Variants in MSRA observed in about 807,000 individuals in gnomAD.
MSRA encodes the protein methionine sulfoxide reductase A, also known as mitochondrial peptide methionine sulfoxide reductase.
Under a neutral mutation model 31.3 loss-of-function variants are expected in MSRA, and 54 were observed. The observed-to-expected ratio is 1.73, with a 90% CI of 1.39 to 2.17. The LOEUF is 2.17. Among genes scored for constraint, MSRA ranks in the 30% most tolerant of loss-of-function variants. The pLI is 0.00. For missense variants in MSRA, 507 were observed against 300.9 expected (o/e 1.69, Z -5.07); for synonymous variants, 169 against 116.5 (o/e 1.45, Z -2.90).
intron 2 of MSRA, among the ~76,000 whole-genome samples, chr8:10,235,746 A>C (rs1811881762): frequency 6.6e-6 from 1 of 152,086 alleles, no homozygotes; most frequent in African/African-American, 2.4e-5. Flanking sequence ...GGAACAAATA[A>C]TTTTTTTTCT....
intron 3 of MSRA, among the ~76,000 whole-genome samples, chr8:10,251,505 A>G (rs1797914170): frequency 6.6e-6 from 1 of 152,182 alleles, no homozygotes; most frequent in South Asian, 2.1e-4. Flanking sequence ...TGCTACAAGC[A>G]ATTTGATCGC....
At chr8:10,075,526 A>T (rs3735821) in intron 1 of MSRA, among the ~76,000 whole-genome samples, 2 of 152,340 alleles carry the variant, frequency 1.3e-5, no homozygotes, top group East Asian at 3.9e-4. Flanking sequence ...ATGGAAGAGA[A>T]GTGTTTCTAC....
At chr8:10,352,060 G>A (rs1804184459) in intron 5 of MSRA, among the ~76,000 whole-genome samples, 1 of 152,184 alleles carries the variant, frequency 6.6e-6, no homozygotes, top group African/African-American at 2.4e-5. Flanking sequence ...ATGGGAGTTT[G>A]GAGAAGAGAG....
At chr8:10,340,196 C>T (rs556920248) in intron 5 of MSRA, among the ~76,000 whole-genome samples, 61 of 152,264 alleles carry the variant, frequency 4.0e-4, no homozygotes, top group Non-Finnish European at 7.1e-4. Context: ...GACACACCTG[C>T]CCATTCCCAG....
At chr8:10,073,543 G>T (rs1408163314) in intron 1 of MSRA, among the ~76,000 whole-genome samples, 1 of 138,390 alleles carries the variant, frequency 7.2e-6, no homozygotes, top group East Asian at 2.1e-4. Flanking sequence ...TTTTTCTTTT[G>T]AATTGTCCTT....
chr8:10,363,153 G>A (rs1804952323), intron 5 of MSRA, among the ~76,000 whole-genome samples: 1 of 152,122 alleles, frequency 6.6e-6, no homozygotes, highest in Non-Finnish European at 1.5e-5. Context: ...AGGTTCCTTT[G>A]TCTTCAGGTC....
intron 3 of MSRA, among the ~76,000 whole-genome samples, chr8:10,247,324 C>T (rs1797674833): frequency 6.6e-6 from 1 of 152,176 alleles, no homozygotes; most frequent in South Asian, 2.1e-4. Flanking sequence ...CATTAGCTCT[C>T]AGCTCAAAGT....
chr8:10,118,157 C>G (rs774168789), intron 1 of MSRA, among the ~76,000 whole-genome samples: 1 of 152,150 alleles, frequency 6.6e-6, no homozygotes, highest in African/African-American at 2.4e-5. Context: ...TTTTCTGATT[C>G]CTCTTTCTCA....
chr8:10,339,531 CTTTTT>C (rs774034241), intron 5 of MSRA, among the ~76,000 whole-genome samples: 11 of 72,812 alleles, frequency 1.5e-4, no homozygotes, highest in East Asian at 1.4e-3. Flanking sequence ...TTCTTTCTTT[CTTTTT>C]TTTTTTTTTT....
intron 5 of MSRA, among the ~76,000 whole-genome samples, chr8:10,399,480 T>G (rs900427649): frequency 1.3e-5 from 2 of 152,200 alleles, no homozygotes; most frequent in African/African-American, 4.8e-5. Flanking sequence ...GTGGTGCCTC[T>G]CCGGTCTCTT....
chr8:10,158,615 T>G (rs577079491), intron 1 of MSRA, among the ~76,000 whole-genome samples: 3 of 152,248 alleles, frequency 2.0e-5, no homozygotes, highest in African/African-American at 7.2e-5. Context: ...AGACACCACA[T>G]TTTATGTATT....
intron 5 of MSRA, among the ~76,000 whole-genome samples, chr8:10,383,620 C>T (rs1224800457): frequency 6.6e-6 from 1 of 151,982 alleles, no homozygotes; most frequent in Non-Finnish European, 1.5e-5. Context: ...CCATATTAGA[C>T]ACCTTGAAGT....
chr8:10,165,437 G>T (rs1433445151), intron 1 of MSRA, among the ~76,000 whole-genome samples: 1 of 152,148 alleles, frequency 6.6e-6, no homozygotes, highest in Non-Finnish European at 1.5e-5. Flanking sequence ...TGGAACTGCA[G>T]TCAAACAAAA....
At chr8:10,295,027 A>G (rs562236399) in intron 3 of MSRA, among the ~76,000 whole-genome samples, 1 of 152,290 alleles carries the variant, frequency 6.6e-6, no homozygotes, top group Non-Finnish European at 1.5e-5. Flanking sequence ...GCTTGGCGAT[A>G]GATGAGTTTA....
intron 1 of MSRA, among the ~76,000 whole-genome samples, chr8:10,120,752 A>G (rs1176411655): frequency 6.6e-6 from 1 of 152,182 alleles, no homozygotes; most frequent in Non-Finnish European, 1.5e-5. Context: ...CTGCCCTTGC[A>G]GACTCACTGT....
intron 5 of MSRA, among the ~76,000 whole-genome samples, chr8:10,384,320 G>A (rs1217510815): frequency 1.3e-5 from 2 of 152,190 alleles, no homozygotes; most frequent in Non-Finnish European, 2.9e-5. Flanking sequence ...CACTCTGCCT[G>A]TGCTAGGAAT....
chr8:10,064,909 C>G (rs2628140), intron 1 of MSRA, among the ~76,000 whole-genome samples: 18,138 of 152,008 alleles, frequency 0.12, 1,246 homozygotes, highest in African/African-American at 0.18. Context: ...TAGCTTTCCA[C>G]GTGGGGAAAA....
Position 10,335,932 on chromosome 8 carries a change from C to G in MSRA, c.543+15943C>G, listed in dbSNP as rs1414476215. ...ACCACATGATACGTACATGGGGGAG[C>G]CCAGGATGCACACTCCCGCTCCCTG... On this transcript the variant is annotated intron_variant, in intron 5 of 5. Coordinates refer to ENST00000317173, the MANE Select transcript of MSRA (RefSeq NM_012331.5). Among the ~76,000 whole-genome samples the G allele has an allele frequency of 2.0e-5, 3 of 152,124 alleles. No homozygotes were observed. The South Asian group carries it at 6.2e-4, about 32-fold the overall frequency.
chr8:10,183,806 T>G (rs1011218280), intron 1 of MSRA, among the ~76,000 whole-genome samples: 2 of 150,246 alleles, frequency 1.3e-5, no homozygotes, highest in Non-Finnish European at 3.0e-5. Flanking sequence ...GTGGTGGTGG[T>G]GGTGCTGCTG....
Sources: gnomAD v4.1 joint callset for allele counts (sites outside exome capture counted in the v4.1 genomes callset) on GRCh38, gnomAD v4.1.1 for gene constraint, MANE v1.5 for transcripts, NCBI Gene and HGNC (gene_info 2026-07-23, HGNC 2026-07-21) for gene names.